Variants in KCND3 observed in about 807,000 individuals in gnomAD.
KCND3 encodes potassium voltage-gated channel subfamily D member 3.
In KCND3, 9 loss-of-function variants were observed where a neutral mutation model predicts 51.1. That is an observed-to-expected ratio of 0.18 (90% confidence interval 0.11 to 0.31). The LOEUF (loss-of-function observed/expected upper bound fraction) is 0.31, where lower values mean the gene tolerates loss of function less well. KCND3 is among the 10% of genes least tolerant of loss of function. The probability of loss-of-function intolerance (pLI) is 1.00; values close to 1 mark genes in which losing one functional copy is unlikely to be tolerated. For synonymous variants in KCND3, 349 were observed against 368.0 expected (o/e 0.95, Z 0.59); for missense variants, 526 against 903.8 (o/e 0.58, Z 5.36).
rs113404477 is a variant in KCND3 at position 111,830,073 on chromosome 1, C to T, written c.1107-42967G>A. Among the ~76,000 whole-genome samples the T allele has an allele frequency of 3.0e-3, 463 of 152,304 alleles. 1 individual carries two copies. The highest frequency in any genetic ancestry group is 5.6e-3 in the Non-Finnish European group (380 of 68,016). On this transcript the variant is annotated intron_variant, in intron 2 of 7. Coordinates refer to ENST00000302127, the MANE Select transcript of KCND3 (RefSeq NM_001378969.1). ...CCGGTCCATCTTTCTACGTCAGCAG[C>T]GTGGATCTATAGATCTATATTCATT...
intron 2 of KCND3, among the ~76,000 whole-genome samples, chr1:111,902,428 G>T (rs1183161011): frequency 1.3e-5 from 2 of 152,188 alleles, no homozygotes; most frequent in Admixed American, 6.5e-5. Flanking sequence ...AGGGAGTGTG[G>T]CTAAGAGAGG....
intron 2 of KCND3, among the ~76,000 whole-genome samples, chr1:111,877,082 G>C (rs1417799793): frequency 6.6e-6 from 1 of 152,216 alleles, no homozygotes; most frequent in African/African-American, 2.4e-5. Flanking sequence ...GAGATGCAAA[G>C]AAGTATTAGA....
intron 2 of KCND3, among the ~76,000 whole-genome samples, chr1:111,834,442 C>G (rs1666984126): frequency 6.6e-6 from 1 of 152,176 alleles, no homozygotes; most frequent in Non-Finnish European, 1.5e-5. Flanking sequence ...TGTCTCAGTT[C>G]CTTCTGGCTA....
intron 2 of KCND3, among the ~76,000 whole-genome samples, chr1:111,795,070 C>T (rs1177994785): frequency 1.3e-5 from 2 of 152,202 alleles, no homozygotes; most frequent in Non-Finnish European, 2.9e-5. Flanking sequence ...AGATCTAGGG[C>T]ATCAGCCTAG....
intron 2 of KCND3, among the ~76,000 whole-genome samples, chr1:111,860,039 C>A (rs528405633): frequency 5.9e-5 from 9 of 152,340 alleles, no homozygotes; most frequent in African/African-American, 1.9e-4. Context: ...GAGGTCATAA[C>A]TTCATTGGTG....
At chr1:111,932,019 T>C (rs1029912218) in intron 2 of KCND3, among the ~76,000 whole-genome samples, 5 of 152,248 alleles carry the variant, frequency 3.3e-5, no homozygotes, top group African/African-American at 1.2e-4. Context: ...CTCCCTGGGT[T>C]AGCCCTTGGC....
intron 2 of KCND3, among the ~76,000 whole-genome samples, chr1:111,892,294 TTCTC>T (rs964652075): frequency 2.0e-5 from 3 of 152,222 alleles, no homozygotes; most frequent in Non-Finnish European, 4.4e-5. Context: ...GACTCTCTCT[TTCTC>T]TCTCTCTGCT....
At chr1:111,923,982 G>C (rs1341241692) in intron 2 of KCND3, among the ~76,000 whole-genome samples, 1 of 152,168 alleles carries the variant, frequency 6.6e-6, no homozygotes, top group African/African-American at 2.4e-5. Context: ...CAATCATGCA[G>C]GAATTCAGGA....
chr1:111,918,146 G>C (rs1042534134), intron 2 of KCND3, among the ~76,000 whole-genome samples: 1 of 152,214 alleles, frequency 6.6e-6, no homozygotes, highest in African/African-American at 2.4e-5. Flanking sequence ...CTGGAGCCCA[G>C]GGAAGATGCA....
chr1:111,876,488 C>T (rs970348346), intron 2 of KCND3, among the ~76,000 whole-genome samples: 1 of 152,200 alleles, frequency 6.6e-6, no homozygotes, highest in Non-Finnish European at 1.5e-5. Context: ...CATCCCCACC[C>T]CATCTGACAC....
intron 2 of KCND3, among the ~76,000 whole-genome samples, chr1:111,812,013 T>C (rs56891980): frequency 0.082 from 12,442 of 152,214 alleles, 892 homozygotes; most frequent in African/African-American, 0.18. Context: ...GTCAGCCTTC[T>C]GGAGGGTCAG....
chr1:111,825,393 C>T (rs1461828781), intron 2 of KCND3, among the ~76,000 whole-genome samples: 3 of 152,218 alleles, frequency 2.0e-5, no homozygotes, highest in African/African-American at 7.2e-5. Flanking sequence ...CATGTTCACA[C>T]AGTACAAGTT....
At chr1:111,845,532 C>T (rs984746335) in intron 2 of KCND3, among the ~76,000 whole-genome samples, 3 of 152,158 alleles carry the variant, frequency 2.0e-5, no homozygotes, top group Admixed American at 6.5e-5. Flanking sequence ...ATCACCCTCC[C>T]GCCCCCAATA....
intron 2 of KCND3, among the ~76,000 whole-genome samples, chr1:111,816,026 G>A (rs1666075114): frequency 6.6e-6 from 1 of 152,210 alleles, no homozygotes; most frequent in Non-Finnish European, 1.5e-5. Flanking sequence ...GCTGTGCCCG[G>A]CAGCAAGAGC....
intron 2 of KCND3, among the ~76,000 whole-genome samples, chr1:111,962,767 T>C (rs1302300603): frequency 6.6e-6 from 1 of 152,240 alleles, no homozygotes; most frequent in African/African-American, 2.4e-5. Flanking sequence ...TTTATACCAC[T>C]GCGCAATGTG....
intron 2 of KCND3, among the ~76,000 whole-genome samples, chr1:111,976,072 G>A (rs1195843353): frequency 6.6e-6 from 1 of 152,126 alleles, no homozygotes. Flanking sequence ...TTGCTGTTGG[G>A]TGCTGTCCAC....
chr1:111,923,015 C>T (rs1481170407), intron 2 of KCND3, among the ~76,000 whole-genome samples: 1 of 152,178 alleles, frequency 6.6e-6, no homozygotes, highest in Non-Finnish European at 1.5e-5. Context: ...TACTGGAACA[C>T]CAGTGAGGAG....
Position 111,772,122 on chromosome 1 carries a change from G to A in KCND3, c.*3955C>T, listed in dbSNP as rs1448520585. ...CATGTGAACTTGGATAAGTCGTTCA[G>A]TTTCTTTCCACATGTTTTCCCCTCT... On this transcript the variant is annotated 3_prime_UTR_variant, in exon 8 of 8. Coordinates refer to ENST00000302127, the MANE Select transcript of KCND3 (RefSeq NM_001378969.1). 6.6e-6 allele frequency: 1 copy of A among 152,170 alleles called. No individual in the cohort carries two copies. The highest frequency in any genetic ancestry group is 1.5e-5 in the Non-Finnish European group (1 of 68,032). 9.4% of individuals were successfully genotyped at this position (152,170 alleles called of 1,614,324 possible).
At chr1:111,906,886 C>G (rs916201512) in intron 2 of KCND3, among the ~76,000 whole-genome samples, 1 of 152,250 alleles carries the variant, frequency 6.6e-6, no homozygotes, top group African/African-American at 2.4e-5. Flanking sequence ...ACTCCAACAT[C>G]TCTGAAGCCT....
Sources: allele counts gnomAD v4.1 joint callset (sites outside exome capture counted in the v4.1 genomes callset), GRCh38; gene constraint gnomAD v4.1.1; transcripts MANE v1.5; gene names NCBI Gene and HGNC (gene_info 2026-07-23, HGNC 2026-07-21).